Variants in PCDHA4 observed in about 807,000 individuals in gnomAD.
PCDHA4 encodes protocadherin alpha-4.
PCDHA4 carries 49 observed loss-of-function variants against 61.4 expected under a neutral mutation model. The ratio of observed to expected loss-of-function variants is 0.80; its 90% CI spans 0.63 to 1.01. The LOEUF (loss-of-function observed/expected upper bound fraction) is 1.01. PCDHA4 is among the 50% of genes least tolerant of loss of function. PCDHA4 has a pLI of 0.00. For missense variants in PCDHA4, 1,254 were observed against 1,235.8 expected, an observed-to-expected ratio of 1.01 and a Z score of -0.22; for synonymous variants, 590 against 550.3, an observed-to-expected ratio of 1.07 and a Z score of -1.01.
intron 1 of PCDHA4, among the ~76,000 whole-genome samples, chr5:140,972,660 A>ATTT (rs11350929): frequency 1.0e-4 from 12 of 117,258 alleles, no homozygotes; most frequent in Non-Finnish European, 1.7e-4. Flanking sequence ...AAGAAACCAA[A>ATTT]TTTTTTTTTT....
intron 3 of PCDHA4, among the ~76,000 whole-genome samples, chr5:140,997,680 G>A (rs954561672): frequency 6.6e-6 from 1 of 151,954 alleles, no homozygotes; most frequent in African/African-American, 2.4e-5. Context: ...GTGTGTGTGT[G>A]TGTGTGTGTG....
At position 141,009,666 on chromosome 5, in the gene PCDHA4, G is replaced by T; in HGVS notation, c.2573G>T (p.Gly858Val). Residue 858 changes from glycine to valine, a missense_variant, in exon 4 of 4, where the codon GGT becomes GTT. Physicochemically the swap from Gly to Val is moderately radical, Grantham distance 109. Coordinates refer to ENST00000530339, the MANE Select transcript of PCDHA4 (RefSeq NM_018907.4). ...GAAGTGTCCCCTCCAGTCGGTGCGG[G>T]TGTCAACAGCAACAGCTGGACCTTT... ...AGEVSPPVGAGVNSNSWTFKY... is the reference protein window; with the variant it reads ...AGEVSPPVGAVVNSNSWTFKY... The T allele has an allele frequency of 1.2e-6, 2 of 1,614,080 alleles. No individual in the cohort carries two copies. The highest frequency in any genetic ancestry group is 1.7e-6 in the Non-Finnish European group (2 of 1,180,022).
chr5:140,881,488 AT>A (rs1193131425), intron 1 of PCDHA4: 4 of 334,526 alleles, frequency 1.2e-5, no homozygotes, highest in African/African-American at 8.9e-5. Flanking sequence ...TATTGTGTTT[AT>A]GCACATACAC....
At chr5:140,926,731 G>C (rs1282301090) in intron 1 of PCDHA4, 9 of 1,104,780 alleles carry the variant, frequency 8.1e-6, no homozygotes, top group Middle Eastern at 3.2e-4. Flanking sequence ...GCCGGCGTTC[G>C]GGAGGCGCAA....
intron 1 of PCDHA4, chr5:140,968,207 A>C: frequency 6.2e-7 from 1 of 1,614,000 alleles, no homozygotes; most frequent in Non-Finnish European, 8.5e-7. Context: ...CATACAGGAG[A>C]ACAATTTGCC....
chr5:140,855,331 A>C (rs1554147752), intron 1 of PCDHA4, among the ~76,000 whole-genome samples: 1 of 149,982 alleles, frequency 6.7e-6, no homozygotes, highest in Non-Finnish European at 1.5e-5. Flanking sequence ...GGGAGAGGTT[A>C]AACGATTTTC....
chr5:140,968,355 G>C lies in PCDHA4; in HGVS notation c.2386-10594G>C. On this transcript the variant is annotated intron_variant, in intron 1 of 3. Transcript: ENST00000530339. ...GTCTCCATTAACAGTGCCAGTGGCA[G>C]CCTTTATGCTGTCAACTCCTTTGAC... 1 of 1,614,080 alleles carries C rather than the reference G, an allele frequency of 6.2e-7. No individual in the cohort carries two copies. The highest frequency in any genetic ancestry group is 8.5e-7 in the Non-Finnish European group (1 of 1,180,010).
intron 1 of PCDHA4, among the ~76,000 whole-genome samples, chr5:140,833,662 C>T (rs1772571447): frequency 6.6e-6 from 1 of 152,130 alleles, no homozygotes; most frequent in South Asian, 2.1e-4. Context: ...AATTCTTCCC[C>T]TTCAAAGATT....
intron 1 of PCDHA4, chr5:140,852,862 T>C (rs1477791467): frequency 2.1e-6 from 2 of 960,286 alleles, no homozygotes; most frequent in East Asian, 1.1e-4. Context: ...GCATTTACTA[T>C]GTCATCAATA....
chr5:141,011,745 A>G lies in PCDHA4; in HGVS notation c.*1808A>G, dbSNP rs1378591918. 3 of 153,762 alleles carry G rather than the reference A, an allele frequency of 2.0e-5. No individual in the cohort carries two copies. The highest frequency in any genetic ancestry group is 1.9e-4 in the East Asian group (1 of 5,196). 9.5% of individuals were successfully genotyped at this position (153,762 alleles called of 1,614,324 possible). ...GGGTGTGCAAGCACAAATTTTACCA[A>G]TCTGACCTCTTTGAAGTTGCAGAAT... On this transcript the variant is annotated 3_prime_UTR_variant, in exon 4 of 4. Coordinates refer to ENST00000530339, the MANE Select transcript of PCDHA4 (RefSeq NM_018907.4).
Position 140,809,293 on chromosome 5 carries a change from TG to T in PCDHA4, c.2107del (p.Ala703ProfsTer107). On this transcript the variant is annotated frameshift_variant, in exon 1 of 4. Coordinates refer to ENST00000530339, the MANE Select transcript of PCDHA4 (RefSeq NM_018907.4). LOFTEE classifies it high-confidence loss of function. ...TGGATGTCAACGTATACCTGATCAT[TG>T]CCATCTGCGCGGTGTCCAGCCTTTT... ...LVDVNVYLII[A>X]ICAVSSLLVL... The T allele has an allele frequency of 6.2e-7, 1 of 1,614,098 alleles. No individual in the cohort carries two copies. The highest frequency in any genetic ancestry group is 8.5e-7 in the Non-Finnish European group (1 of 1,179,948).
At chr5:140,836,644 G>A (rs2150266560) in intron 1 of PCDHA4, 1 of 1,613,528 alleles carries the variant, frequency 6.2e-7, no homozygotes. Flanking sequence ...TCCCAGCAGA[G>A]GCGGCAGAGG....
intron 1 of PCDHA4, among the ~76,000 whole-genome samples, chr5:140,939,994 G>A (rs2092519687): frequency 6.6e-6 from 1 of 151,998 alleles, no homozygotes; most frequent in African/African-American, 2.4e-5. Flanking sequence ...TTTCTCCTTG[G>A]ATTTTGTCAA....
chr5:141,005,308 TA>T (rs1345689314), intron 3 of PCDHA4, among the ~76,000 whole-genome samples: 4 of 152,214 alleles, frequency 2.6e-5, no homozygotes, highest in Non-Finnish European at 4.4e-5. Context: ...TTGTGAATCT[TA>T]CAGTGGTAGA....
At chr5:140,955,823 T>C (rs1189753862) in intron 1 of PCDHA4, among the ~76,000 whole-genome samples, 1 of 152,208 alleles carries the variant, frequency 6.6e-6, no homozygotes, top group African/African-American at 2.4e-5. Flanking sequence ...GTGATTTCCT[T>C]GAGCAGTGGT....
At chr5:140,876,820 G>A in intron 1 of PCDHA4, 2 of 1,614,214 alleles carry the variant, frequency 1.2e-6, no homozygotes, top group Non-Finnish European at 1.7e-6. Context: ...CGACGTGAAC[G>A]ACAATGCGCC....
At chr5:140,988,014 A>G (rs782358781) in intron 3 of PCDHA4, among the ~76,000 whole-genome samples, 4 of 152,242 alleles carry the variant, frequency 2.6e-5, no homozygotes, top group African/African-American at 7.2e-5. Context: ...GAAAGAAAGC[A>G]TGATTCTTAA....
At chr5:140,841,094 G>C in intron 1 of PCDHA4, 1 of 568,882 alleles carries the variant, frequency 1.8e-6, no homozygotes, top group Non-Finnish European at 3.0e-6. Context: ...GAAGAACCCA[G>C]ATATTGCGGA....
At chr5:140,884,170 G>T (rs1333457358) in intron 1 of PCDHA4, 2 of 1,613,412 alleles carry the variant, frequency 1.2e-6, no homozygotes, top group Non-Finnish European at 8.5e-7. Context: ...TCAGCACGAC[G>T]CGCCCTCTGG....
Sources: allele counts gnomAD v4.1 joint callset (sites outside exome capture counted in the v4.1 genomes callset), GRCh38; gene constraint gnomAD v4.1.1; transcripts MANE v1.5; gene names NCBI Gene and HGNC (gene_info 2026-07-23, HGNC 2026-07-21).